COMMD1: variants seen among roughly 807,000 people sequenced by gnomAD.
The protein encoded by COMMD1 is copper metabolism domain containing 1.
A neutral mutation model predicts 17.2 loss-of-function variants in COMMD1; 10 were observed. That is an observed-to-expected ratio of 0.58 (90% CI 0.36 to 0.99). The LOEUF is 0.99. COMMD1 is among the 50% of genes least tolerant of loss of function. The pLI is 0.01. For synonymous variants in COMMD1, 97 were observed against 91.6 expected (o/e 1.06, Z -0.34); for missense variants, 270 against 231.8 (o/e 1.17, Z -1.07).
intron 1 of COMMD1, among the ~76,000 whole-genome samples, chr2:61,959,022 T>C (rs895306778): frequency 1.3e-5 from 2 of 152,208 alleles, no homozygotes; most frequent in African/African-American, 4.8e-5. Context: ...TTTTACTTTA[T>C]ACTTAACTCA....
intron 1 of COMMD1, among the ~76,000 whole-genome samples, chr2:61,989,688 T>G (rs1227264013): frequency 1.3e-5 from 2 of 152,044 alleles, no homozygotes; most frequent in African/African-American, 4.8e-5. Context: ...GTCTCGAAAC[T>G]CCCAACCTCA....
chr2:61,933,168 C>T (rs1433042033), intron 1 of COMMD1, among the ~76,000 whole-genome samples: 1 of 151,748 alleles, frequency 6.6e-6, no homozygotes, highest in Non-Finnish European at 1.5e-5. Context: ...TGAAATTAGC[C>T]GCATTTATCC....
chr2:62,000,438 C>T (rs1345654350), intron 1 of COMMD1, among the ~76,000 whole-genome samples: 1 of 151,594 alleles, frequency 6.6e-6, no homozygotes, highest in African/African-American at 2.4e-5. Context: ...TGCATATATA[C>T]CACGCACAAC....
At chr2:62,095,133 A>G (rs982169054) in intron 2 of COMMD1, among the ~76,000 whole-genome samples, 1 of 152,222 alleles carries the variant, frequency 6.6e-6, no homozygotes, top group African/African-American at 2.4e-5. Flanking sequence ...TAATGAAGAC[A>G]CCTGCATTGG....
chr2:62,062,376 G>A (rs560258650), intron 2 of COMMD1, among the ~76,000 whole-genome samples: 2 of 152,002 alleles, frequency 1.3e-5, no homozygotes, highest in Non-Finnish European at 1.5e-5. Context: ...ACAGGTGCAC[G>A]CCACCATGCC....
At chr2:62,020,272 C>T (rs1032427751) in intron 2 of COMMD1, among the ~76,000 whole-genome samples, 4 of 152,186 alleles carry the variant, frequency 2.6e-5, no homozygotes, top group South Asian at 2.1e-4. Flanking sequence ...GGTGTCGTTA[C>T]GTCACACCAT....
chr2:62,023,948 G>A (rs1458562286), intron 2 of COMMD1, among the ~76,000 whole-genome samples: 1 of 152,098 alleles, frequency 6.6e-6, no homozygotes, highest in African/African-American at 2.4e-5. Context: ...GACCAATATT[G>A]GAAAATGTTT....
intron 2 of COMMD1, among the ~76,000 whole-genome samples, chr2:62,125,210 A>T (rs34114635): frequency 6.6e-6 from 1 of 152,166 alleles, no homozygotes; most frequent in Non-Finnish European, 1.5e-5. Flanking sequence ...TTCCTCTAGA[A>T]GATTCTGTGA....
chr2:62,073,354 G>A (rs114685992), intron 2 of COMMD1, among the ~76,000 whole-genome samples: 1,844 of 152,240 alleles, frequency 0.012, 41 homozygotes, highest in African/African-American at 0.043. Flanking sequence ...TCTGAGGCCT[G>A]CTACCCATGA....
intron 2 of COMMD1, among the ~76,000 whole-genome samples, chr2:62,105,441 G>T (rs759611330): frequency 4.0e-5 from 6 of 151,546 alleles, no homozygotes; most frequent in Non-Finnish European, 7.4e-5. Flanking sequence ...TACATAATAT[G>T]TAAGTTCTTA....
intron 1 of COMMD1, among the ~76,000 whole-genome samples, chr2:61,973,493 GT>G (rs756561040): frequency 5.9e-5 from 9 of 152,134 alleles, no homozygotes; most frequent in Non-Finnish European, 1.0e-4. Flanking sequence ...TGATTATTAG[GT>G]TGAACTAATA....
intron 1 of COMMD1, among the ~76,000 whole-genome samples, chr2:61,935,212 T>A (rs1193701776): frequency 4.6e-5 from 7 of 152,158 alleles, no homozygotes; most frequent in Non-Finnish European, 7.4e-5. Flanking sequence ...AAACATTAAT[T>A]ACCGACAAGA....
At chr2:61,984,869 G>T (rs1672060132) in intron 1 of COMMD1, among the ~76,000 whole-genome samples, 1 of 150,306 alleles carries the variant, frequency 6.7e-6, no homozygotes, top group Non-Finnish European at 1.5e-5. Context: ...TTGTTTTATT[G>T]TTTTGCTGAA....
At chr2:62,092,216 G>C (rs766974886) in intron 2 of COMMD1, among the ~76,000 whole-genome samples, 2 of 152,178 alleles carry the variant, frequency 1.3e-5, no homozygotes, top group Non-Finnish European at 2.9e-5. Context: ...GTTATACCAA[G>C]GAAGAGAGTG....
At chr2:62,044,976 G>A (rs974415634) in intron 2 of COMMD1, among the ~76,000 whole-genome samples, 3 of 152,254 alleles carry the variant, frequency 2.0e-5, no homozygotes, top group East Asian at 1.9e-4. Flanking sequence ...GTTCTTCCCT[G>A]CCTGCTGCAC....
chr2:62,122,737 A>G (rs1672783359), intron 2 of COMMD1, among the ~76,000 whole-genome samples: 1 of 149,690 alleles, frequency 6.7e-6, no homozygotes, highest in African/African-American at 2.6e-5. Context: ...ATATCTATCT[A>G]GCTAAATTAT....
intron 1 of COMMD1, among the ~76,000 whole-genome samples, chr2:61,947,285 C>T (rs953537748): frequency 6.6e-6 from 1 of 152,094 alleles, no homozygotes; most frequent in African/African-American, 2.4e-5. Flanking sequence ...ATACCTGTCA[C>T]TTAGTATAAC....
chr2:62,075,618 A>T (rs1414005939), intron 2 of COMMD1, among the ~76,000 whole-genome samples: 1 of 152,186 alleles, frequency 6.6e-6, no homozygotes, highest in Non-Finnish European at 1.5e-5. Context: ...TCCCAAATGA[A>T]TTTCCCAAGG....
intron 2 of COMMD1, among the ~76,000 whole-genome samples, chr2:62,094,691 A>G (rs1480059652): frequency 6.6e-6 from 1 of 152,188 alleles, no homozygotes; most frequent in Non-Finnish European, 1.5e-5. Flanking sequence ...GGAACAGTCA[A>G]TCAACTGAGT....
Sources: allele counts gnomAD v4.1 joint callset (sites outside exome capture counted in the v4.1 genomes callset), GRCh38; gene constraint gnomAD v4.1.1; transcripts MANE v1.5; gene names NCBI Gene and HGNC (gene_info 2026-07-23, HGNC 2026-07-21).